Variants in DMD observed in about 807,000 individuals in gnomAD.
The protein encoded by DMD is mutant dystrophin.
In DMD, 63 loss-of-function variants were observed where a neutral mutation model predicts 330.1. That is an observed-to-expected ratio of 0.19 (90% CI 0.16 to 0.24). The LOEUF (loss-of-function observed/expected upper bound fraction) is 0.24, where lower values mean the gene tolerates loss of function less well. Ranked by LOEUF, DMD falls within the 10% of genes least tolerant of loss-of-function variation. DMD has a pLI of 1.00. For missense variants in DMD, 3,344 were observed against 2,684.1 expected, an observed-to-expected ratio of 1.25 and a Z score of -5.43; for synonymous variants, 1,223 against 959.8, an observed-to-expected ratio of 1.27 and a Z score of -5.07.
At chrX:31,390,272 T>G (rs781521659) in intron 60 of DMD, among the ~76,000 whole-genome samples, 1 of 109,731 alleles carries the variant, frequency 9.1e-6, no homozygotes, top group South Asian at 4.0e-4. Flanking sequence ...TGACTTCTTT[T>G]TCTTGAAGTT....
chrX:32,749,359 AATG>A (rs748850241), intron 7 of DMD, among the ~76,000 whole-genome samples: 120 of 112,324 alleles, frequency 1.1e-3, no homozygotes, highest in African/African-American at 3.7e-3. Flanking sequence ...AATGGTATGC[AATG>A]ATAAGATCAC....
intron 55 of DMD, among the ~76,000 whole-genome samples, chrX:31,543,447 A>T (rs1394294313): frequency 8.9e-6 from 1 of 111,996 alleles, no homozygotes; most frequent in Admixed American, 9.5e-5. Context: ...CTGGGATTAC[A>T]GGTGTGAGCC....
At chrX:33,221,764 T>C (rs2052185178) in intron 1 of DMD, among the ~76,000 whole-genome samples, 1 of 111,109 alleles carries the variant, frequency 9.0e-6, no homozygotes, top group African/African-American at 3.3e-5. Flanking sequence ...CATAAGTATT[T>C]AATAATTTAG....
intron 45 of DMD, among the ~76,000 whole-genome samples, chrX:31,960,799 A>C (rs1453206994): frequency 8.9e-6 from 1 of 112,373 alleles, no homozygotes; most frequent in Non-Finnish European, 1.9e-5. Flanking sequence ...CTGATTTTTC[A>C]TAGTCTTTTG....
intron 16 of DMD, among the ~76,000 whole-genome samples, chrX:32,559,264 T>C (rs746175696): frequency 7.2e-5 from 8 of 111,399 alleles, no homozygotes; most frequent in African/African-American, 2.6e-4. Context: ...ACTTCAAATT[T>C]TTCTAATAAA....
chrX:33,264,340 C>A (rs1309692857), intron 1 of DMD, among the ~76,000 whole-genome samples: 1 of 111,285 alleles, frequency 9.0e-6, no homozygotes, highest in African/African-American at 3.3e-5. Context: ...TGACTCTCAG[C>A]CTAGGGTGGT....
intron 1 of DMD, among the ~76,000 whole-genome samples, chrX:33,163,799 A>G (rs1000529046): frequency 3.6e-5 from 4 of 109,661 alleles, no homozygotes; most frequent in Non-Finnish European, 7.6e-5. Context: ...AGAAAACAAC[A>G]TGTAAGTCAA....
intron 1 of DMD, among the ~76,000 whole-genome samples, chrX:33,294,056 A>T (rs1350439323): frequency 9.0e-6 from 1 of 111,311 alleles, no homozygotes; most frequent in Non-Finnish European, 1.9e-5. Flanking sequence ...ATCACGTAGA[A>T]GAAGCACCCT....
At chrX:32,765,366 C>G (rs947344237) in intron 7 of DMD, among the ~76,000 whole-genome samples, 5 of 110,220 alleles carry the variant, frequency 4.5e-5, no homozygotes, top group Non-Finnish European at 9.5e-5. Flanking sequence ...CATCTCCCTC[C>G]ACCCCTCTTG....
intron 47 of DMD, among the ~76,000 whole-genome samples, chrX:31,887,140 A>G (rs374669383): frequency 1.3e-3 from 148 of 112,048 alleles, no homozygotes; most frequent in African/African-American, 4.1e-3. Flanking sequence ...CATTCCCTTT[A>G]GCTATATGAC....
chrX:32,634,709 C>G (rs190206646), intron 11 of DMD, among the ~76,000 whole-genome samples: 19 of 111,829 alleles, frequency 1.7e-4, no homozygotes, highest in Admixed American at 1.6e-3. Context: ...AGCTGGTATC[C>G]AAGCAGCAAG....
intron 38 of DMD, among the ~76,000 whole-genome samples, chrX:32,347,892 A>G (rs914786406): frequency 8.9e-6 from 1 of 111,868 alleles, no homozygotes; most frequent in Non-Finnish European, 1.9e-5. Context: ...CTCCCATGAA[A>G]TAAGCAGCAT....
At chrX:31,916,577 C>T (rs868515209) in intron 47 of DMD, among the ~76,000 whole-genome samples, 2 of 111,736 alleles carry the variant, frequency 1.8e-5, no homozygotes, top group Admixed American at 9.5e-5. Context: ...TATTAGAAGA[C>T]CTAATAATAG....
Position 32,450,029 on chromosome X carries a change from A to T in DMD, c.3604-1391T>A, listed in dbSNP as rs1370414110. ...CATTCAGGGGTGAAGAAATTGGGGT[A>T]TTATTTCTGTATCATCTTCCCTAAT... On this transcript the variant is annotated intron_variant, in intron 26 of 78. Coordinates refer to ENST00000357033, the MANE Select transcript of DMD (RefSeq NM_004006.3). Among the ~76,000 whole-genome samples the T allele has an allele frequency of 3.6e-5, 4 of 110,861 alleles. No homozygotes were observed. The Admixed American group carries it at 3.8e-4, about 11-fold the overall frequency.
chrX:32,507,588 AACC>A (rs1032398848), intron 18 of DMD, among the ~76,000 whole-genome samples: 10 of 111,590 alleles, frequency 9.0e-5, no homozygotes, highest in Non-Finnish European at 1.7e-4. Context: ...TCTCAGTAAC[AACC>A]ACCACAACTA....
intron 11 of DMD, among the ~76,000 whole-genome samples, chrX:32,614,949 G>A (rs1283500537): frequency 1.8e-5 from 2 of 110,266 alleles, no homozygotes; most frequent in East Asian, 5.7e-4. Flanking sequence ...TAAAAGAACT[G>A]GCAGCATTTG....
At chrX:32,148,304 T>C (rs965187038) in intron 44 of DMD, among the ~76,000 whole-genome samples, 8 of 111,752 alleles carry the variant, frequency 7.2e-5, no homozygotes, top group African/African-American at 2.6e-4. Flanking sequence ...TTAGATATTA[T>C]TATGACTACA....
chrX:31,682,236 T>G (rs1173844535), intron 52 of DMD, among the ~76,000 whole-genome samples: 1 of 112,109 alleles, frequency 8.9e-6, no homozygotes, highest in Admixed American at 9.4e-5. Flanking sequence ...TAGACTACTG[T>G]TTTTTTATCA....
intron 44 of DMD, among the ~76,000 whole-genome samples, chrX:32,128,049 T>A (rs747379892): frequency 1.8e-5 from 2 of 112,341 alleles, no homozygotes; most frequent in South Asian, 7.4e-4. Flanking sequence ...ACACAGAAAA[T>A]AGGCAATTTG....
Sources: allele counts gnomAD v4.1 joint callset (sites outside exome capture counted in the v4.1 genomes callset), GRCh38; gene constraint gnomAD v4.1.1; transcripts MANE v1.5; gene names NCBI Gene and HGNC (gene_info 2026-07-23, HGNC 2026-07-21).